DLC1: variants seen among roughly 807,000 people sequenced by gnomAD.
The protein encoded by DLC1 is rho GTPase-activating protein 7.
A neutral mutation model predicts 140.3 loss-of-function variants in DLC1; 54 were observed. The observed-to-expected ratio is 0.38, with a 90% CI of 0.31 to 0.48. The LOEUF is 0.48. DLC1 is among the 20% of genes least tolerant of loss of function. The pLI is 0.96. For missense variants in DLC1, 2,536 were observed against 1,907.0 expected, an observed-to-expected ratio of 1.33 and a Z score of -6.14; for synonymous variants, 986 against 728.1, an observed-to-expected ratio of 1.35 and a Z score of -5.70.
At chr8:13,156,562 G>T (rs1824275347) in intron 5 of DLC1, among the ~76,000 whole-genome samples, 1 of 152,170 alleles carries the variant, frequency 6.6e-6, no homozygotes, top group South Asian at 2.1e-4. Flanking sequence ...TCATTGGCGG[G>T]CTGCGCATGC....
At chr8:13,204,123 T>C (rs1174110888) in intron 5 of DLC1, among the ~76,000 whole-genome samples, 1 of 152,144 alleles carries the variant, frequency 6.6e-6, no homozygotes, top group Non-Finnish European at 1.5e-5. Flanking sequence ...AAAAAGACTG[T>C]TCTGTTAAGG....
At chr8:13,120,356 A>AAAAAAAAAAAAAAAAAAAAAATAT in intron 5 of DLC1, among the ~76,000 whole-genome samples, 1 of 61,124 alleles carries the variant, frequency 1.6e-5, no homozygotes, top group African/African-American at 4.2e-5. Flanking sequence ...AAAAAAAAAA[A>AAAAAAAAAAAAAAAAAAAAAATAT]ATATATATAT....
chr8:13,358,325 G>A (rs1441176986), intron 4 of DLC1, among the ~76,000 whole-genome samples: 1 of 152,142 alleles, frequency 6.6e-6, no homozygotes, highest in Non-Finnish European at 1.5e-5. Context: ...ATTGGATGTT[G>A]ATTTCAAAAT....
At chr8:13,242,701 A>C (rs1010670393) in intron 5 of DLC1, among the ~76,000 whole-genome samples, 4 of 152,154 alleles carry the variant, frequency 2.6e-5, no homozygotes, top group Non-Finnish European at 5.9e-5. Flanking sequence ...TCTCCTCAAT[A>C]GGTTTACACA....
At chr8:13,394,894 A>C (rs1355040792) in intron 3 of DLC1, among the ~76,000 whole-genome samples, 1 of 151,976 alleles carries the variant, frequency 6.6e-6, no homozygotes, top group Non-Finnish European at 1.5e-5. Flanking sequence ...GAATCTTACT[A>C]CCTCAGAGAA....
At chr8:13,230,588 T>C (rs184902127) in intron 5 of DLC1, among the ~76,000 whole-genome samples, 1 of 150,722 alleles carries the variant, frequency 6.6e-6, no homozygotes, top group African/African-American at 2.5e-5. Flanking sequence ...TTTTTCTTTT[T>C]TCTTTTTTCT....
chr8:13,167,497 A>G (rs1825186052), intron 5 of DLC1, among the ~76,000 whole-genome samples: 4 of 152,150 alleles, frequency 2.6e-5, no homozygotes, highest in Admixed American at 2.0e-4. Context: ...TCAGTGGGGA[A>G]ACCTCGGTAT....
At chr8:13,325,495 G>A (rs11988159) in intron 4 of DLC1, among the ~76,000 whole-genome samples, 1 of 151,694 alleles carries the variant, frequency 6.6e-6, no homozygotes, top group Non-Finnish European at 1.5e-5. Flanking sequence ...ATCTCACAGA[G>A]TCATGTATGC....
intron 5 of DLC1, among the ~76,000 whole-genome samples, chr8:13,221,473 C>G (rs1328114399): frequency 2.6e-5 from 4 of 151,318 alleles, no homozygotes; most frequent in Non-Finnish European, 4.4e-5. Flanking sequence ...TGGGTTCAAG[C>G]TATTCTCCTG....
At chr8:13,480,292 A>T (rs1800665493) in intron 2 of DLC1, among the ~76,000 whole-genome samples, 1 of 152,232 alleles carries the variant, frequency 6.6e-6, no homozygotes, top group Admixed American at 6.5e-5. Flanking sequence ...TGATTAAGTT[A>T]TTCAGGGAGA....
intron 5 of DLC1, among the ~76,000 whole-genome samples, chr8:13,280,744 A>G (rs1361060102): frequency 6.6e-6 from 1 of 152,230 alleles, no homozygotes; most frequent in African/African-American, 2.4e-5. Flanking sequence ...TCTTTGGACC[A>G]ATGAGAACAT....
intron 2 of DLC1, among the ~76,000 whole-genome samples, chr8:13,450,620 G>A (rs1798995215): frequency 6.6e-6 from 1 of 151,826 alleles, no homozygotes; most frequent in South Asian, 2.1e-4. Context: ...TTTTAATTTT[G>A]TTAGAATATA....
chr8:13,383,623 C>A (rs1012288622), intron 4 of DLC1, among the ~76,000 whole-genome samples: 2 of 152,142 alleles, frequency 1.3e-5, no homozygotes, highest in East Asian at 3.9e-4. Flanking sequence ...CTTGTTTAGA[C>A]CTTTTCCAAC....
rs115110722 is a variant in DLC1, at chr8:13,207,981, T to G, written c.1349-92324A>C. On this transcript the variant is annotated intron_variant, in intron 5 of 17. Transcript: ENST00000276297. The stretch of plus-strand genomic sequence containing the variant: ...ACATTTGAGAAGCTGAATTACCAGT[T>G]GAGATTCTATTTGGTTCAAAGTGCA... 3.2e-3 allele frequency among the ~76,000 whole-genome samples: 482 copies of G among 152,296 alleles called. 2 individuals are homozygous for G. Among genetic ancestry groups the G allele is most frequent in the African/African-American group, 0.011 (474 of 41,576 alleles).
chr8:13,434,425 C>A (rs1174654259), intron 2 of DLC1, among the ~76,000 whole-genome samples: 1 of 152,054 alleles, frequency 6.6e-6, no homozygotes, highest in African/African-American at 2.4e-5. Context: ...TTAGTGTTTT[C>A]TTTGGAGCTG....
intron 5 of DLC1, among the ~76,000 whole-genome samples, chr8:13,143,846 G>GAGAGAC (rs1554584125): frequency 4.0e-5 from 6 of 148,388 alleles, no homozygotes; most frequent in Non-Finnish European, 7.5e-5. Context: ...GAGAGAGAGA[G>GAGAGAC]AGAGAGACAT....
chr8:13,288,740 CT>C (rs1041671712), intron 5 of DLC1, among the ~76,000 whole-genome samples: 1 of 152,178 alleles, frequency 6.6e-6, no homozygotes, highest in African/African-American at 2.4e-5. Context: ...GTTCCTGCCC[CT>C]TTCCCCCTTT....
chr8:13,123,006 A>G (rs11204104), intron 5 of DLC1, among the ~76,000 whole-genome samples: 45,840 of 151,998 alleles, frequency 0.3, 7,628 homozygotes, highest in African/African-American at 0.44. Flanking sequence ...AGCAGCTCTC[A>G]GGGAAAATCA....
intron 6 of DLC1, among the ~76,000 whole-genome samples, chr8:13,114,853 CG>C (rs1382327467): frequency 6.6e-6 from 1 of 152,090 alleles, no homozygotes; most frequent in Non-Finnish European, 1.5e-5. Flanking sequence ...CAATATCAAG[CG>C]TTGAGGGAAT....
Sources: allele counts gnomAD v4.1 joint callset (sites outside exome capture counted in the v4.1 genomes callset), GRCh38; gene constraint gnomAD v4.1.1; transcripts MANE v1.5; gene names NCBI Gene and HGNC (gene_info 2026-07-23, HGNC 2026-07-21).